VPS26A: variants seen among roughly 807,000 people sequenced by gnomAD.
VPS26A encodes the protein vacuolar protein sorting-associated protein 26A.
In VPS26A, 22 loss-of-function variants were observed where a neutral mutation model predicts 42.4. The ratio of observed to expected loss-of-function variants is 0.52; its 90% CI spans 0.37 to 0.74. VPS26A has a LOEUF of 0.74. Ranked by LOEUF, VPS26A falls within the 30% of genes least tolerant of loss-of-function variation. The probability of loss-of-function intolerance (pLI) is 0.00; values close to 1 mark genes in which losing one functional copy is unlikely to be tolerated. For missense variants in VPS26A, 276 were observed against 379.2 expected (o/e 0.73, Z 2.26); for synonymous variants, 110 against 123.5 (o/e 0.89, Z 0.73).
chr10:69,155,783 A>T, intron 2 of VPS26A, 29 bp from the exon 3 acceptor site: 1 of 1,585,758 alleles, frequency 6.3e-7, no homozygotes, highest in Non-Finnish European at 8.6e-7. Flanking sequence ...AGGATTGTTA[A>T]CATCTCTTAT....
chr10:69,171,142 C>T lies in VPS26A; in HGVS notation c.871-14C>T. ...CAAACATTAATTTGTTAATATCTTGCATTTGTTTACTAGGAGATAATTTTA... is the reference window on the plus strand; with the variant it reads ...CAAACATTAATTTGTTAATATCTTGTATTTGTTTACTAGGAGATAATTTTA... On this transcript the variant is annotated splice_polypyrimidine_tract_variant and intron_variant, in intron 8 of 8. Coordinates refer to ENST00000263559, the MANE Select transcript of VPS26A (RefSeq NM_004896.5). The T allele has an allele frequency of 6.3e-7, 1 of 1,589,962 alleles. No homozygotes were observed. The highest frequency in any genetic ancestry group is 8.6e-7 in the Non-Finnish European group (1 of 1,164,344).
At chr10:69,148,917 A>G (rs980709337) in intron 2 of VPS26A, among the ~76,000 whole-genome samples, 3 of 151,920 alleles carry the variant, frequency 2.0e-5, no homozygotes, top group East Asian at 1.9e-4. Flanking sequence ...CACCACGCCC[A>G]GCTAATTGTT....
At chr10:69,148,979 A>G (rs1378808058) in intron 2 of VPS26A, among the ~76,000 whole-genome samples, 1 of 151,978 alleles carries the variant, frequency 6.6e-6, no homozygotes. Flanking sequence ...GATGGTCTCC[A>G]TCTCCTGACC....
At chr10:69,166,815 A>C (rs1390211093) in intron 7 of VPS26A, among the ~76,000 whole-genome samples, 2 of 152,172 alleles carry the variant, frequency 1.3e-5, no homozygotes, top group African/African-American at 2.4e-5. Context: ...ATTGGTGTGC[A>C]TGAGAAAATT....
intron 2 of VPS26A, among the ~76,000 whole-genome samples, chr10:69,142,387 T>A (rs904897773): frequency 5.3e-5 from 8 of 150,574 alleles, no homozygotes; most frequent in African/African-American, 2.0e-4. Context: ...ATAGATAGGG[T>A]CTTGTTGTGT....
At chr10:69,167,742 CAAAAAA>C (rs35974356) in intron 7 of VPS26A, among the ~76,000 whole-genome samples, 2 of 66,322 alleles carry the variant, frequency 3.0e-5, no homozygotes, top group African/African-American at 1.3e-4. Context: ...GACTCCATCT[CAAAAAA>C]AAAAAAAAAA....
intron 2 of VPS26A, among the ~76,000 whole-genome samples, chr10:69,137,569 C>T (rs117717573): frequency 0.015 from 2,292 of 152,212 alleles, 26 homozygotes; most frequent in Non-Finnish European, 0.023. Context: ...AGGAGGAGAC[C>T]ATCACTCTGA....
At chr10:69,140,182 C>T (rs1841011446) in intron 2 of VPS26A, among the ~76,000 whole-genome samples, 1 of 152,002 alleles carries the variant, frequency 6.6e-6, no homozygotes, top group African/African-American at 2.4e-5. Flanking sequence ...ATCCTCCTAC[C>T]TCAGCCTTCC....
chr10:69,135,481 G>T (rs1226103431), intron 2 of VPS26A, among the ~76,000 whole-genome samples: 1 of 152,148 alleles, frequency 6.6e-6, no homozygotes, highest in Non-Finnish European at 1.5e-5. Flanking sequence ...GGTGGCTCAT[G>T]CCTGTAATCC....
At chr10:69,149,734 GTTTTTTTTTTTTTTT>G (rs869048277) in intron 2 of VPS26A, among the ~76,000 whole-genome samples, 21 of 21,364 alleles carry the variant, frequency 9.8e-4, no homozygotes, top group Non-Finnish European at 1.9e-3. Context: ...GGTGTTTTTT[GTTTTTTTTTTTTTTT>G]TTTTTTTTTT....
intron 2 of VPS26A, among the ~76,000 whole-genome samples, chr10:69,135,432 G>T (rs1429296944): frequency 1.3e-5 from 2 of 152,130 alleles, no homozygotes; most frequent in Non-Finnish European, 2.9e-5. Context: ...TCTTTAAAAA[G>T]AATAGTTGGT....
chr10:69,136,044 T>C (rs1840901066), intron 2 of VPS26A, among the ~76,000 whole-genome samples: 1 of 152,214 alleles, frequency 6.6e-6, no homozygotes, highest in African/African-American at 2.4e-5. Context: ...ATACCTTTCT[T>C]TAACTTGCAA....
Position 69,154,201 on chromosome 10 carries a change from G to A in VPS26A, c.154-1611G>A, listed in dbSNP as rs1222667306. Reference sequence around the variant, plus strand: ...GAAACAACCTATATGACCATACAGGGGATTCAGCAGGTAAATGGTGGTGTA... The same window carrying A: ...GAAACAACCTATATGACCATACAGGAGATTCAGCAGGTAAATGGTGGTGTA... On this transcript the variant is annotated intron_variant, in intron 2 of 8. Coordinates refer to ENST00000263559, the MANE Select transcript of VPS26A (RefSeq NM_004896.5). 2.0e-5 allele frequency among the ~76,000 whole-genome samples: 3 copies of A among 152,308 alleles called. No homozygotes were observed. The East Asian group carries it at 5.8e-4, about 29-fold the overall frequency.
intron 5 of VPS26A, 70 bp downstream of exon 5, chr10:69,158,281 G>A: frequency 1.6e-6 from 2 of 1,280,248 alleles, no homozygotes; most frequent in Non-Finnish European, 2.1e-6. Flanking sequence ...TTTGTCAGTT[G>A]GTCAAAGTAA....
chr10:69,143,869 A>C (rs1489631892), intron 2 of VPS26A, among the ~76,000 whole-genome samples: 1 of 152,050 alleles, frequency 6.6e-6, no homozygotes, highest in Non-Finnish European at 1.5e-5. Flanking sequence ...GGCACACACC[A>C]CCATGCTCAG....
At chr10:69,129,963 A>G (rs1261803019) in intron 1 of VPS26A, among the ~76,000 whole-genome samples, 1 of 152,208 alleles carries the variant, frequency 6.6e-6, no homozygotes, top group Non-Finnish European at 1.5e-5. Flanking sequence ...TGTGCCCTAC[A>G]TAGCCACAAA....
intron 2 of VPS26A, among the ~76,000 whole-genome samples, chr10:69,141,482 G>A (rs1841038029): frequency 6.6e-6 from 1 of 152,156 alleles, no homozygotes; most frequent in Non-Finnish European, 1.5e-5. Flanking sequence ...CAAATTTATT[G>A]TCTCTAGAAA....
At position 69,151,282 on chromosome 10, in the gene VPS26A, AAC is replaced by A. The variant is rs1554854472; in HGVS notation, c.154-4514_154-4513del. Among the ~76,000 whole-genome samples, 289 of 136,580 alleles carry A rather than the reference AAC, an allele frequency of 2.1e-3. 3 individuals are homozygous for A. Among genetic ancestry groups the A allele is most frequent in the African/African-American group, 4.3e-3 (129 of 30,066 alleles). 89.6% of individuals were successfully genotyped at this position (136,580 alleles called of 152,430 possible). Reference sequence around the variant, plus strand: ...TCCATGTCAAAAAAAAAAAAAAAAAAACACACACACACACACAATTAGCCGGG... The same window carrying A: ...TCCATGTCAAAAAAAAAAAAAAAAAAACACACACACACACAATTAGCCGGG... On this transcript the variant is annotated intron_variant, in intron 2 of 8. Transcript: ENST00000263559.
At chr10:69,167,434 AAAAGAAAAAG>A (rs1172335107) in intron 7 of VPS26A, among the ~76,000 whole-genome samples, 1 of 147,100 alleles carries the variant, frequency 6.8e-6, no homozygotes, top group Non-Finnish European at 1.5e-5. Flanking sequence ...AAAAAAAAGA[AAAAGAAAAAG>A]AAAAAAAAAA....
Sources: gnomAD v4.1 joint callset for allele counts (sites outside exome capture counted in the v4.1 genomes callset) on GRCh38, gnomAD v4.1.1 for gene constraint, MANE v1.5 for transcripts, NCBI Gene and HGNC (gene_info 2026-07-23, HGNC 2026-07-21) for gene names.